GBF1: variants seen among roughly 807,000 people sequenced by gnomAD.
The protein encoded by GBF1 is golgi brefeldin A resistant guanine nucleotide exchange factor 1.
A neutral mutation model predicts 210.5 loss-of-function variants in GBF1; 114 were observed. The ratio of observed to expected loss-of-function variants is 0.54; its 90% CI spans 0.47 to 0.63. GBF1 has a LOEUF of 0.63. Ranked by LOEUF, GBF1 falls within the 30% of genes least tolerant of loss-of-function variation. The pLI is 0.00. For missense variants in GBF1, 1,851 were observed against 2,357.7 expected (o/e 0.79, Z 4.45); for synonymous variants, 850 against 889.2 (o/e 0.96, Z 0.78).
intron 3 of GBF1, among the ~76,000 whole-genome samples, chr10:102,290,409 C>G (rs2076336212): frequency 6.6e-6 from 1 of 152,112 alleles, no homozygotes; most frequent in Non-Finnish European, 1.5e-5. Flanking sequence ...CATAGATTAA[C>G]TATCCTTTTT....
chr10:102,360,974 C>CAA (rs375688888), intron 12 of GBF1, 48 bp from the exon 13 acceptor site: 44,212 of 669,362 alleles, frequency 0.066, 2 homozygotes, highest in South Asian at 0.092. Context: ...AACTCCGCCT[C>CAA]AAAAAAAAAA....
At chr10:102,365,232 G>C (rs2059846149) in intron 17 of GBF1, among the ~76,000 whole-genome samples, 165 bp from the exon 18 acceptor site, 1 of 152,194 alleles carries the variant, frequency 6.6e-6, no homozygotes, top group South Asian at 2.1e-4. Flanking sequence ...GAAGATGGGG[G>C]AAGCTAAGGC....
intron 3 of GBF1, among the ~76,000 whole-genome samples, chr10:102,338,573 G>C (rs867651627): frequency 6.6e-6 from 1 of 152,010 alleles, no homozygotes; most frequent in Middle Eastern, 3.4e-3. Flanking sequence ...GACAGATGAA[G>C]GTCTTGGGTA....
At chr10:102,251,022 C>A (rs1425682177) in intron 1 of GBF1, among the ~76,000 whole-genome samples, 10 of 144,036 alleles carry the variant, frequency 6.9e-5, no homozygotes, top group African/African-American at 1.0e-4. Flanking sequence ...AAAAAAAAAA[C>A]CACTTAAACA....
rs1348016724 is a variant in GBF1, at chr10:102,319,581, C to A, written c.164-24470C>A. Among the ~76,000 whole-genome samples the A allele has an allele frequency of 5.3e-5, 8 of 152,228 alleles. No individual in the cohort carries two copies. In the South Asian group the frequency reaches 8.3e-4, roughly 16 times the overall value. On this transcript the variant is annotated intron_variant, in intron 3 of 39. Transcript: ENST00000369983. Reference sequence around the variant, plus strand: ...TCCTAGAAACTCCTTCTCAGAGCCTCCCATCCTCTTCTTCTATTCTGTATT... The same window carrying A: ...TCCTAGAAACTCCTTCTCAGAGCCTACCATCCTCTTCTTCTATTCTGTATT...
intron 23 of GBF1, 59 bp from the exon 24 acceptor site, chr10:102,369,152 G>C: frequency 7.9e-7 from 1 of 1,266,162 alleles, no homozygotes; most frequent in Non-Finnish European, 1.1e-6. Flanking sequence ...AGAGACCTAA[G>C]AGATTTTCCT....
At chr10:102,310,780 A>G (rs1229209612) in intron 3 of GBF1, among the ~76,000 whole-genome samples, 1 of 152,238 alleles carries the variant, frequency 6.6e-6, no homozygotes, top group Non-Finnish European at 1.5e-5. Flanking sequence ...CTAAATATAC[A>G]TCCCTGACAG....
chr10:102,347,914 A>C (rs1403372916), intron 4 of GBF1, among the ~76,000 whole-genome samples: 2 of 151,762 alleles, frequency 1.3e-5, no homozygotes, highest in Non-Finnish European at 2.9e-5. Flanking sequence ...AAGACCTGTC[A>C]CTCTAGTCTG....
chr10:102,361,351 T>C (rs915617898), intron 13 of GBF1, among the ~76,000 whole-genome samples: 1 of 152,182 alleles, frequency 6.6e-6, no homozygotes, highest in Non-Finnish European at 1.5e-5. Flanking sequence ...CAGGTAACCT[T>C]ACCATGAATA....
At chr10:102,279,426 A>G (rs978600141) in intron 3 of GBF1, among the ~76,000 whole-genome samples, 2 of 152,272 alleles carry the variant, frequency 1.3e-5, no homozygotes, top group East Asian at 1.9e-4. Context: ...TCATCATTAT[A>G]TTTCAGCTTT....
At chr10:102,288,740 A>C (rs867704029) in intron 3 of GBF1, among the ~76,000 whole-genome samples, 8 of 151,124 alleles carry the variant, frequency 5.3e-5, no homozygotes, top group Admixed American at 1.3e-4. Flanking sequence ...AAAAAACAAA[A>C]AAAAAAAACG....
chr10:102,361,148 G>A (rs1015706567), intron 13 of GBF1, 28 bp downstream of exon 13: 10 of 1,204,436 alleles, frequency 8.3e-6, no homozygotes, highest in African/African-American at 6.0e-5. Flanking sequence ...GAAAGAAAAG[G>A]GGGAAAAAAA....
intron 3 of GBF1, among the ~76,000 whole-genome samples, chr10:102,302,907 A>G (rs1047467233): frequency 1.3e-5 from 2 of 152,068 alleles, no homozygotes; most frequent in African/African-American, 4.8e-5. Context: ...AAGGTTGAGA[A>G]ACTCTGGTAC....
chr10:102,323,099 G>C (rs1350394249), intron 3 of GBF1, among the ~76,000 whole-genome samples: 1 of 152,060 alleles, frequency 6.6e-6, no homozygotes, highest in Admixed American at 6.6e-5. Flanking sequence ...GTTGCAGTCA[G>C]CTGCGGCTGT....
At chr10:102,359,049 T>C (rs769035791) in intron 10 of GBF1, 67 of 596,016 alleles carry the variant, frequency 1.1e-4, no homozygotes, top group Middle Eastern at 4.4e-4. Context: ...TCTCTAAGGT[T>C]CTAGTCATTG....
At chr10:102,362,210 C>T (rs1294280683) in intron 14 of GBF1, among the ~76,000 whole-genome samples, 1 of 151,718 alleles carries the variant, frequency 6.6e-6, no homozygotes, top group Non-Finnish European at 1.5e-5. Context: ...GTGCCCACCA[C>T]CACGCCCGGC....
At chr10:102,295,317 A>G (rs1433351762) in intron 3 of GBF1, among the ~76,000 whole-genome samples, 1 of 152,254 alleles carries the variant, frequency 6.6e-6, no homozygotes, top group African/African-American at 2.4e-5. Flanking sequence ...ATTCTGTGCC[A>G]TCTAAGGACA....
At chr10:102,291,082 C>T (rs1224975060) in intron 3 of GBF1, among the ~76,000 whole-genome samples, 1 of 152,126 alleles carries the variant, frequency 6.6e-6, no homozygotes, top group Non-Finnish European at 1.5e-5. Context: ...ATTTGTATTA[C>T]ATGTATCAGG....
intron 3 of GBF1, among the ~76,000 whole-genome samples, chr10:102,320,045 G>A (rs1387662297): frequency 1.3e-5 from 2 of 151,958 alleles, no homozygotes; most frequent in South Asian, 4.2e-4. Flanking sequence ...TTGATTTACT[G>A]TCTCACATTG....
Sources: gnomAD v4.1 joint callset for allele counts (sites outside exome capture counted in the v4.1 genomes callset) on GRCh38, gnomAD v4.1.1 for gene constraint, MANE v1.5 for transcripts, NCBI Gene and HGNC (gene_info 2026-07-23, HGNC 2026-07-21) for gene names.